The following FHIT variants were observed in gnomAD, a reference collection of about 807,000 sequenced individuals.
FHIT encodes fragile histidine triad diadenosine triphosphatase, also known as bis(5'-adenosyl)-triphosphatase.
In FHIT, 19 loss-of-function variants were observed where a neutral mutation model predicts 17.9. The ratio of observed to expected loss-of-function variants is 1.06; its 90% CI spans 0.74 to 1.56. FHIT has a LOEUF of 1.56. FHIT is among the 40% of genes most tolerant of loss of function. The probability of loss-of-function intolerance (pLI) is 0.00; values close to 1 mark genes in which losing one functional copy is unlikely to be tolerated. For missense variants in FHIT, 248 were observed against 189.2 expected (o/e 1.31, Z -1.82); for synonymous variants, 81 against 69.7 (o/e 1.16, Z -0.81).
At chr3:60,166,030 A>G (rs1339592190) in intron 5 of FHIT, among the ~76,000 whole-genome samples, 2 of 152,096 alleles carry the variant, frequency 1.3e-5, no homozygotes, top group African/African-American at 2.4e-5. Context: ...CAAAAGGCCA[A>G]TTTTTCTCAC....
intron 8 of FHIT, among the ~76,000 whole-genome samples, chr3:59,849,400 TTATTAAATGCA>T (rs1701846861): frequency 6.6e-6 from 1 of 152,014 alleles, no homozygotes. Flanking sequence ...GATTCTCCCA[TTATTAAATGCA>T]TATGAAAAAG....
intron 2 of FHIT, among the ~76,000 whole-genome samples, chr3:61,135,450 T>C (rs1303471011): frequency 6.6e-6 from 1 of 152,236 alleles, no homozygotes; most frequent in African/African-American, 2.4e-5. Flanking sequence ...TACTCATTAG[T>C]ATTGTTGTTC....
chr3:60,626,850 C>T (rs1329745641), intron 4 of FHIT, among the ~76,000 whole-genome samples: 1 of 130,170 alleles, frequency 7.7e-6, no homozygotes, highest in Non-Finnish European at 1.6e-5. Context: ...TGCTTTTTAT[C>T]AGGTTGAGAA....
At chr3:60,027,135 ACACACAC>A (rs1304897470) in intron 5 of FHIT, among the ~76,000 whole-genome samples, 3,043 of 127,640 alleles carry the variant, frequency 0.024, 188 homozygotes, top group African/African-American at 0.084. Context: ...ACACACACAC[ACACACAC>A]ACACACAAAA....
chr3:59,918,856 T>C (rs1287704763), intron 8 of FHIT, among the ~76,000 whole-genome samples: 4 of 152,068 alleles, frequency 2.6e-5, no homozygotes, highest in Admixed American at 1.3e-4. Context: ...AAAAATACTT[T>C]GCAGGCAAAA....
chr3:61,184,268 CACAG>C (rs1261989266), intron 2 of FHIT, among the ~76,000 whole-genome samples: 2 of 152,094 alleles, frequency 1.3e-5, no homozygotes, highest in African/African-American at 4.8e-5. Context: ...ACTGGCTATA[CACAG>C]ACAGTGCCTC....
At chr3:60,886,468 T>C (rs1010639436) in intron 3 of FHIT, among the ~76,000 whole-genome samples, 1 of 152,212 alleles carries the variant, frequency 6.6e-6, no homozygotes, top group Non-Finnish European at 1.5e-5. Context: ...TTTCATGTAA[T>C]ACTCATAGGG....
rs1307305411 is a variant in FHIT at position 60,014,021 on chromosome 3, T to C, written c.235A>G (p.Thr79Ala). Residue 79 changes from threonine to alanine, a missense_variant, in exon 6 of 10, where the codon ACC becomes GCC. Transcript: ENST00000492590. ...VEKHFHGTSL[T>A]FSMQDGPEAG... ...TGTACACTCACCTGCATGGAAAAGG[T>C]GAGAGAGGTCCCATGGAAATGTTTT... The C allele has an allele frequency of 6.2e-7, 1 of 1,613,806 alleles. No homozygotes were observed. Among genetic ancestry groups the C allele is most frequent in the Non-Finnish European group, 8.5e-7 (1 of 1,179,932 alleles).
intron 4 of FHIT, chr3:60,537,473 C>T (rs986654774): frequency 1.1e-5 from 11 of 983,396 alleles, no homozygotes; most frequent in African/African-American, 8.7e-5. Context: ...CCTACAATTA[C>T]AAAAACATGA....
At chr3:60,293,162 C>T (rs958135414) in intron 5 of FHIT, among the ~76,000 whole-genome samples, 1 of 152,014 alleles carries the variant, frequency 6.6e-6, no homozygotes, top group African/African-American at 2.4e-5. Context: ...TTATTTCTTT[C>T]CCAAGATTAC....
intron 5 of FHIT, among the ~76,000 whole-genome samples, chr3:60,274,704 C>G (rs972753705): frequency 3.3e-5 from 5 of 152,124 alleles, no homozygotes; most frequent in Non-Finnish European, 7.4e-5. Context: ...GATATAGTCT[C>G]TTGGACTCCA....
intron 4 of FHIT, among the ~76,000 whole-genome samples, chr3:60,744,261 AAC>A (rs1559688069): frequency 0.018 from 1,438 of 78,326 alleles, 33 homozygotes; most frequent in South Asian, 0.022. Flanking sequence ...AAAAAAACAA[AAC>A]AAAACAAAAA....
chr3:60,138,471 A>T (rs761899151), intron 5 of FHIT, among the ~76,000 whole-genome samples: 1 of 152,182 alleles, frequency 6.6e-6, no homozygotes, highest in Non-Finnish European at 1.5e-5. Context: ...TTTCTCATTG[A>T]ATGGACAAAA....
At chr3:60,287,272 A>C (rs1416590312) in intron 5 of FHIT, among the ~76,000 whole-genome samples, 6 of 152,078 alleles carry the variant, frequency 3.9e-5, no homozygotes, top group African/African-American at 1.4e-4. Flanking sequence ...AGGTTCAAGC[A>C]ATTCTCCTGC....
At chr3:60,117,030 G>T (rs573299683) in intron 5 of FHIT, among the ~76,000 whole-genome samples, 1 of 152,252 alleles carries the variant, frequency 6.6e-6, no homozygotes, top group East Asian at 1.9e-4. Flanking sequence ...GATCCACTCT[G>T]TCCCAATCCT....
chr3:59,860,517 A>G (rs547250509), intron 8 of FHIT, among the ~76,000 whole-genome samples: 1 of 152,348 alleles, frequency 6.6e-6, no homozygotes, highest in East Asian at 1.9e-4. Context: ...CTGTTATTCC[A>G]AATCACCACC....
chr3:60,279,530 G>C (rs1489619925), intron 5 of FHIT, among the ~76,000 whole-genome samples: 1 of 152,056 alleles, frequency 6.6e-6, no homozygotes, highest in Admixed American at 6.6e-5. Context: ...GATAGGTAAA[G>C]CAGAGGGAAC....
chr3:60,413,340 G>GGA lies in FHIT; in HGVS notation c.103+123518_103+123519dup, dbSNP rs1169069786. Among the ~76,000 whole-genome samples, 3 of 152,100 alleles carry GGA rather than the reference G, an allele frequency of 2.0e-5. No homozygotes were observed. The East Asian group carries it at 5.8e-4, about 29-fold the overall frequency. Reference sequence around the variant, plus strand: ...GACATGGAGTTAGGGTGAGTAAGAGGGAGAGAGAGAGGGAGAGAAACACTA... The same window carrying GGA: ...GACATGGAGTTAGGGTGAGTAAGAGGGAGAGAGAGAGAGGGAGAGAAACACTA... On this transcript the variant is annotated intron_variant, in intron 5 of 9. Transcript: ENST00000492590.
chr3:59,899,930 G>T (rs1191780628), intron 8 of FHIT, among the ~76,000 whole-genome samples: 4 of 152,188 alleles, frequency 2.6e-5, no homozygotes, highest in African/African-American at 9.7e-5. Context: ...TTCTATAAAG[G>T]TCCAGATACT....
Sources: gnomAD v4.1 joint callset for allele counts (sites outside exome capture counted in the v4.1 genomes callset) on GRCh38, gnomAD v4.1.1 for gene constraint, MANE v1.5 for transcripts, NCBI Gene and HGNC (gene_info 2026-07-23, HGNC 2026-07-21) for gene names.